The following CXADR variants were observed in gnomAD, a reference collection of about 807,000 sequenced individuals.
CXADR encodes coxsackievirus and adenovirus receptor.
Under a neutral mutation model 40.3 loss-of-function variants are expected in CXADR, and 20 were observed. The ratio of observed to expected loss-of-function variants is 0.50; its 90% CI spans 0.35 to 0.72. CXADR has a LOEUF of 0.72. CXADR is among the 30% of genes least tolerant of loss of function. The probability of loss-of-function intolerance (pLI) is 0.01; values close to 1 mark genes in which losing one functional copy is unlikely to be tolerated. For synonymous variants in CXADR, 150 were observed against 161.3 expected (o/e 0.93, Z 0.53); for missense variants, 332 against 449.1 (o/e 0.74, Z 2.36).
At position 17,547,343 on chromosome 21, in the gene CXADR, A is replaced by G. The variant is rs545417041; in HGVS notation, c.210+150A>G. 24 of 1,116,282 alleles carry G rather than the reference A, an allele frequency of 2.1e-5. No individual in the cohort carries two copies. In the Admixed American group the frequency reaches 2.4e-4, roughly 11 times the overall value. 69.1% of individuals were successfully genotyped at this position (1,116,282 alleles called of 1,614,324 possible). On this transcript the variant is annotated intron_variant, in intron 2 of 6. Coordinates refer to ENST00000284878, the MANE Select transcript of CXADR (RefSeq NM_001338.5). ...CTTTATGGTCTGGGTGAGGAAGGCA[A>G]TTGCTCTGGTGGAAATTGAGGACAC...
chr21:17,559,607 TGAA>T (rs1478008920), intron 4 of CXADR, among the ~76,000 whole-genome samples: 3 of 151,722 alleles, frequency 2.0e-5, no homozygotes, highest in Non-Finnish European at 2.9e-5. Context: ...ATATTATAAA[TGAA>T]GAGCTATTCT....
intron 1 of CXADR, chr21:17,518,811 A>G (rs966992608): frequency 1.1e-5 from 17 of 1,566,458 alleles, no homozygotes; most frequent in Non-Finnish European, 1.4e-5. Flanking sequence ...CTGTCCCATC[A>G]TCTTTAATCA....
the CXADR span, among the ~76,000 whole-genome samples, chr21:17,621,493 C>T: frequency 1.3e-5 from 2 of 152,170 alleles, no homozygotes; most frequent in Non-Finnish European, 2.9e-5. Context: ...GCTCACAATA[C>T]AGTCAAAGAT....
the CXADR span, chr21:17,598,926 A>G: frequency 1.1e-6 from 1 of 882,864 alleles, no homozygotes; most frequent in Non-Finnish European, 1.7e-6. Flanking sequence ...AATACAAGGC[A>G]AAGATTGAAT....
At chr21:17,553,153 C>T (rs1372643540) in intron 3 of CXADR, among the ~76,000 whole-genome samples, 2 of 152,154 alleles carry the variant, frequency 1.3e-5, no homozygotes, top group African/African-American at 2.4e-5. Context: ...AAACTCCTGA[C>T]CTCAGGTGAT....
At position 17,568,299 on chromosome 21, in the gene CXADR, T is replaced by C. The variant is rs1430096498; in HGVS notation, c.*2607T>C. ...TCCCATCACCACGCTCGGCTAAGTTTTTGTAATTTTAGTAGAGACAGGGTT... is the reference window on the plus strand; with the variant it reads ...TCCCATCACCACGCTCGGCTAAGTTCTTGTAATTTTAGTAGAGACAGGGTT... On this transcript the variant is annotated 3_prime_UTR_variant, in exon 7 of 7. Coordinates refer to ENST00000284878, the MANE Select transcript of CXADR (RefSeq NM_001338.5). The C allele has an allele frequency of 1.2e-6, 1 of 801,022 alleles. No individual in the cohort carries two copies. The highest frequency in any genetic ancestry group is 1.5e-6 in the Non-Finnish European group (1 of 662,354). 49.6% of individuals were successfully genotyped at this position (801,022 alleles called of 1,614,324 possible).
rs573250303 is a variant in CXADR, at chr21:17,546,258, A to G, written c.44-769A>G. Among the ~76,000 whole-genome samples the G allele has an allele frequency of 1.6e-4, 24 of 152,354 alleles. 1 individual carries two copies. The South Asian group carries it at 2.9e-3, about 18-fold the overall frequency. On this transcript the variant is annotated intron_variant, in intron 1 of 6. Transcript: ENST00000284878. ...GTCACAGTTGATCAGCATATACCCT[A>G]CCGACAGTGACTTAGTTCCCTGTGT...
intron 1 of CXADR, among the ~76,000 whole-genome samples, chr21:17,544,241 A>G (rs1378972447): frequency 6.6e-6 from 1 of 152,210 alleles, no homozygotes; most frequent in Non-Finnish European, 1.5e-5. Context: ...ATTAGAAATA[A>G]TAGAGTGTAT....
chr21:17,625,321 T>G, the CXADR span, among the ~76,000 whole-genome samples: 1 of 152,044 alleles, frequency 6.6e-6, no homozygotes, highest in South Asian at 2.1e-4. Flanking sequence ...CTCCTGAAGC[T>G]CTGAAAGAAA....
the CXADR span, among the ~76,000 whole-genome samples, chr21:17,614,346 G>A: frequency 6.6e-6 from 1 of 152,280 alleles, no homozygotes; most frequent in South Asian, 2.1e-4. Flanking sequence ...TTAGTATTTT[G>A]TGTAGTATTT....
Position 17,560,727 on chromosome 21 carries a change from A to G in CXADR, c.597A>G (p.Val199=), listed in dbSNP as rs1286618400. 6.2e-7 allele frequency: 1 copy of G among 1,613,184 alleles called. No homozygotes were observed. The highest frequency in any genetic ancestry group is 1.3e-5 in the African/African-American group (1 of 75,022). The change falls in exon 5 of 7, where the codon GTA becomes GTG. Residue 199 remains valine (V), a synonymous_variant. Coordinates refer to ENST00000284878, the MANE Select transcript of CXADR (RefSeq NM_001338.5). ...LAEMTSSVIS[V]KNASSEYSGT... ...AAATGACTTCATCTGTTATATCTGTAAAAAATGCCTCTTCTGAGTACTCTG... is the reference window on the plus strand; with the variant it reads ...AAATGACTTCATCTGTTATATCTGTGAAAAATGCCTCTTCTGAGTACTCTG...
chr21:17,636,245 A>G, the CXADR span, among the ~76,000 whole-genome samples: 1 of 152,188 alleles, frequency 6.6e-6, no homozygotes, highest in African/African-American at 2.4e-5. Flanking sequence ...ACAGAGATTT[A>G]TGTCTCCCTT....
intron 1 of CXADR, among the ~76,000 whole-genome samples, chr21:17,526,108 T>C (rs923143224): frequency 5.9e-5 from 9 of 152,228 alleles, no homozygotes; most frequent in Admixed American, 1.3e-4. Flanking sequence ...TCATTTGCAC[T>C]AGCCATGTTT....
downstream of CXADR, among the ~76,000 whole-genome samples, chr21:17,597,165 A>C (rs919665236): frequency 3.9e-5 from 6 of 152,102 alleles, no homozygotes; most frequent in African/African-American, 1.2e-4. Flanking sequence ...TTATCCTAAT[A>C]GTCTTTCAAC....
the CXADR span, among the ~76,000 whole-genome samples, chr21:17,602,607 G>A: frequency 2.6e-5 from 4 of 151,822 alleles, no homozygotes; most frequent in African/African-American, 4.8e-5. Context: ...CCTGACACTC[G>A]CAGGTGATTT....
chr21:17,584,259 C>G (rs2061379609), intron 7 of CXADR, among the ~76,000 whole-genome samples: 1 of 152,186 alleles, frequency 6.6e-6, no homozygotes, highest in African/African-American at 2.4e-5. Context: ...TGTAAAGCAC[C>G]TAGTCCAGCG....
Position 17,564,532 on chromosome 21 carries a change from A to G in CXADR, c.834-896A>G, listed in dbSNP as rs960768274. On this transcript the variant is annotated intron_variant, in intron 6 of 6. Transcript: ENST00000284878. ...TAAAAATATTAAAACAAAATTTTCT[A>G]TACATGGTTTGTTGGCTTCACAGAT... Among the ~76,000 whole-genome samples, 6 of 152,178 alleles carry G rather than the reference A, an allele frequency of 3.9e-5. No individual in the cohort carries two copies. The South Asian group carries it at 8.3e-4, about 21-fold the overall frequency.
chr21:17,565,282 GACACACACACACACAC>G (rs6147430), intron 6 of CXADR, 130 bp from the exon 7 acceptor site: 7,952 of 763,336 alleles, frequency 0.01, 29 homozygotes, highest in Non-Finnish European at 0.011. Context: ...GCTTTTTTGT[GACACACACACACACAC>G]ACACACACAC....
intron 7 of CXADR, among the ~76,000 whole-genome samples, chr21:17,577,877 A>C (rs1005566997): frequency 2.0e-5 from 3 of 152,002 alleles, no homozygotes; most frequent in Non-Finnish European, 4.4e-5. Flanking sequence ...ACCTCATAAA[A>C]GTGGTTTTAT....
Sources: gnomAD v4.1 joint callset for allele counts (sites outside exome capture counted in the v4.1 genomes callset) on GRCh38, gnomAD v4.1.1 for gene constraint, MANE v1.5 for transcripts, NCBI Gene and HGNC (gene_info 2026-07-23, HGNC 2026-07-21) for gene names.